The following BAG3 variants were observed in gnomAD, a reference collection of about 807,000 sequenced individuals.
BAG3 encodes BAG family molecular chaperone regulator 3.
Under a neutral mutation model 40.5 loss-of-function variants are expected in BAG3, and 14 were observed. The observed-to-expected ratio is 0.35, with a 90% CI of 0.23 to 0.54. The LOEUF (loss-of-function observed/expected upper bound fraction) is 0.54, where lower values mean the gene tolerates loss of function less well. Among genes scored for constraint, BAG3 ranks in the 20% least tolerant of loss-of-function variants. The pLI, the probability that BAG3 is intolerant of heterozygous loss-of-function variation, is 0.91. For synonymous variants in BAG3, 302 were observed against 307.8 expected (o/e 0.98, Z 0.20); for missense variants, 788 against 758.6 (o/e 1.04, Z -0.46).
At chr10:119,666,275 C>T (rs1847065665) in intron 1 of BAG3, among the ~76,000 whole-genome samples, 1 of 152,122 alleles carries the variant, frequency 6.6e-6, no homozygotes, top group Non-Finnish European at 1.5e-5. Flanking sequence ...CCAGCCTGGC[C>T]CCTGGTCTCT....
intron 1 of BAG3, among the ~76,000 whole-genome samples, chr10:119,667,660 C>A (rs1483219610): frequency 6.6e-6 from 1 of 152,164 alleles, no homozygotes; most frequent in African/African-American, 2.4e-5. Flanking sequence ...CTTCTAAGCC[C>A]CTGTTGGCAG....
At chr10:119,657,708 A>C in intron 1 of BAG3, 2 of 429,512 alleles carry the variant, frequency 4.7e-6, no homozygotes, top group South Asian at 3.4e-5. Flanking sequence ...TTGATTCCCT[A>C]AGTTCATCCT....
At chr10:119,654,207 T>C (rs1040235240) in intron 1 of BAG3, among the ~76,000 whole-genome samples, 1 of 152,194 alleles carries the variant, frequency 6.6e-6, no homozygotes. Flanking sequence ...TATTTGAAAT[T>C]GGCTTCTCAA....
At chr10:119,658,856 C>T (rs1846953305) in intron 1 of BAG3, among the ~76,000 whole-genome samples, 1 of 152,174 alleles carries the variant, frequency 6.6e-6, no homozygotes, top group Non-Finnish European at 1.5e-5. Context: ...CGTCCCAAAG[C>T]CTGAACTGAT....
At chr10:119,653,894 A>AT (rs1846876396) in intron 1 of BAG3, among the ~76,000 whole-genome samples, 1 of 152,156 alleles carries the variant, frequency 6.6e-6, no homozygotes, top group Non-Finnish European at 1.5e-5. Context: ...AGAATACTTG[A>AT]TTATTTTTGT....
rs368868780 is a variant in BAG3 at position 119,669,243 on chromosome 10, A to C, written c.181-608A>C. Among the ~76,000 whole-genome samples the C allele has an allele frequency of 5.8e-4, 88 of 152,238 alleles. No individual in the cohort carries two copies. In the East Asian group the frequency reaches 0.01, roughly 17 times the overall value. On this transcript the variant is annotated intron_variant, in intron 1 of 3. Transcript: ENST00000369085. Reference sequence around the variant, plus strand: ...TTGGCATCGTTAGGCGACACAGTTAACCCTGGGTGCCCCTCTCTCCCTATG... The same window carrying C: ...TTGGCATCGTTAGGCGACACAGTTACCCCTGGGTGCCCCTCTCTCCCTATG...
In BAG3 at chr10:119,656,378, C is replaced by CTT. The variant is rs34602155; in HGVS notation, c.180+4542_180+4543dup. 4.8e-3 allele frequency among the ~76,000 whole-genome samples: 610 copies of CTT among 126,852 alleles called. 11 individuals carry two copies. The highest frequency in any genetic ancestry group is 0.015 in the African/African-American group (500 of 33,724). 83.2% of individuals were successfully genotyped at this position (126,852 alleles called of 152,430 possible). Reference sequence around the variant, plus strand: ...TCAGAGCATAGACTCAGCTGGCCTTCTTTTTTTTTTTTTTTTTTTTGAGAC... The same window carrying CTT: ...TCAGAGCATAGACTCAGCTGGCCTTCTTTTTTTTTTTTTTTTTTTTTTGAGAC... On this transcript the variant is annotated intron_variant, in intron 1 of 3. Coordinates refer to ENST00000369085, the MANE Select transcript of BAG3 (RefSeq NM_004281.4).
rs375687199 is a variant in BAG3 at position 119,672,522 on chromosome 10, C to T, written c.775C>T (p.Pro259Ser). Residue 259 changes from proline (P) to serine (S), a missense_variant, in exon 3 of 4, where the codon CCC becomes TCC. By Grantham distance (74) the Pro-to-Ser change is moderately conservative. Coordinates refer to ENST00000369085, the MANE Select transcript of BAG3 (RefSeq NM_004281.4). The surrounding 1 kb of genome is among the most constrained non-coding windows in gnomAD (Gnocchi z 4.8). The stretch of plus-strand genomic sequence containing the variant: ...CCAGGGGGATGACTGGGAGCCCCGG[C>T]CCCTGCGGGCGGCATCCCCGTTCAG... Reference protein sequence around the residue: ...KIQGDDWEPRPLRAASPFRSS... With the variant: ...KIQGDDWEPRSLRAASPFRSS... The T allele has an allele frequency of 1.9e-6, 3 of 1,613,928 alleles. No individual in the cohort carries two copies. Among genetic ancestry groups the T allele is most frequent in the African/African-American group, 2.7e-5 (2 of 74,942 alleles).
At position 119,651,391 on chromosome 10, in the gene BAG3, C is replaced by A. The variant is rs866276705; in HGVS notation, c.-285C>A. ...CAGGGCGGAGCTCCGCATCCAACCC[C>A]GGGCCGCGGCCAACTTCTCTGGACT... On this transcript the variant is annotated 5_prime_UTR_variant, in exon 1 of 4. Coordinates refer to ENST00000369085, the MANE Select transcript of BAG3 (RefSeq NM_004281.4). 6 of 327,794 alleles carry A rather than the reference C, an allele frequency of 1.8e-5. No individual in the cohort carries two copies. The East Asian group carries it at 2.6e-4, about 14-fold the overall frequency. The allele number at this position is 327,794 out of a possible 1,614,324, so 20.3% of individuals were successfully genotyped here.
chr10:119,664,405 A>G (rs986725361), intron 1 of BAG3, among the ~76,000 whole-genome samples: 3 of 152,236 alleles, frequency 2.0e-5, no homozygotes, highest in Non-Finnish European at 2.9e-5. Context: ...AAATTAATAT[A>G]GTGAGATAAG....
intron 1 of BAG3, among the ~76,000 whole-genome samples, chr10:119,656,859 T>C (rs1022208287): frequency 2.6e-5 from 4 of 152,094 alleles, no homozygotes; most frequent in African/African-American, 9.7e-5. Context: ...CCTCACCAGC[T>C]CTTTGAACTA....
At chr10:119,651,931 G>A in intron 1 of BAG3, 76 bp downstream of exon 1, 1 of 1,215,332 alleles carries the variant, frequency 8.2e-7, no homozygotes, top group Non-Finnish European at 1.0e-6. Context: ...GCTGGGCCGG[G>A]GGGACGCGAG....
rs182891328 is a variant in BAG3 at position 119,661,221 on chromosome 10, T to C, written c.181-8630T>C. Among the ~76,000 whole-genome samples the C allele has an allele frequency of 9.1e-4, 138 of 152,224 alleles. 2 individuals carry two copies. The highest frequency in any genetic ancestry group is 2.0e-3 in the Admixed American group (30 of 15,296). On this transcript the variant is annotated intron_variant, in intron 1 of 3. Transcript: ENST00000369085. ...GTTGCAGTGAGCTGAGATTGTGCCA[T>C]TGCACTCTAGCCTGGGCAACAGAGC...
chr10:119,669,703 G>A, intron 1 of BAG3, 148 bp from the exon 2 acceptor site: 1 of 825,916 alleles, frequency 1.2e-6, no homozygotes, highest in Non-Finnish European at 2.0e-6. Context: ...GGGGGGTTTG[G>A]AGGGTACAGG....
At chr10:119,670,342 T>C (rs1016747970) in intron 2 of BAG3, among the ~76,000 whole-genome samples, 165 bp downstream of exon 2, 1 of 152,208 alleles carries the variant, frequency 6.6e-6, no homozygotes, top group African/African-American at 2.4e-5. Flanking sequence ...GACAGGGTGA[T>C]GGCCCCACAT....
At chr10:119,657,701 A>T in intron 1 of BAG3, 1 of 439,268 alleles carries the variant, frequency 2.3e-6, no homozygotes, top group Non-Finnish European at 4.7e-6. Flanking sequence ...TTCAGTATTG[A>T]TTCCCTAAGT....
At chr10:119,653,218 T>G (rs939781364) in intron 1 of BAG3, among the ~76,000 whole-genome samples, 1 of 152,248 alleles carries the variant, frequency 6.6e-6, no homozygotes, top group Non-Finnish European at 1.5e-5. Flanking sequence ...TCTTGAAAAT[T>G]AGTACAAGAG....
intron 1 of BAG3, among the ~76,000 whole-genome samples, chr10:119,661,063 A>C (rs1846985314): frequency 6.6e-6 from 1 of 152,086 alleles, no homozygotes; most frequent in African/African-American, 2.4e-5. Flanking sequence ...TTTGGACTCC[A>C]GTCTGGGCAA....
chr10:119,669,852 A>G lies in BAG3; in HGVS notation c.182A>G (p.Glu61Gly). 1 of 1,614,032 alleles carries G rather than the reference A, an allele frequency of 6.2e-7. No homozygotes were observed. Among genetic ancestry groups the G allele is most frequent in the Non-Finnish European group, 8.5e-7 (1 of 1,179,950 alleles). Residue 61 changes from glutamate (E) to glycine (G), a missense_variant and splice_region_variant, in exon 2 of 4, where the codon GAG becomes GGG. Transcript: ENST00000369085. Reference protein sequence around the residue: ...DPRVPSEGPKETPSSANGPSR... With the variant: ...DPRVPSEGPKGTPSSANGPSR... ...GTGTTTCTCCACTTTTTATTTCAGG[A>G]GACTCCATCCTCTGCCAATGGCCCT...
Sources: gnomAD v4.1 joint callset for allele counts (sites outside exome capture counted in the v4.1 genomes callset) on GRCh38, gnomAD v4.1.1 for gene constraint, Gnocchi (gnomAD v3.1) non-coding constraint, MANE v1.5 for transcripts, NCBI Gene and HGNC (gene_info 2026-07-23, HGNC 2026-07-21) for gene names.